Variants in NFATC3 observed in about 807,000 individuals in gnomAD.
NFATC3 encodes the protein nuclear factor of activated T-cells, cytoplasmic 3.
Under a neutral mutation model 98.6 loss-of-function variants are expected in NFATC3, and 46 were observed. The ratio of observed to expected loss-of-function variants is 0.47; its 90% CI spans 0.37 to 0.60. The LOEUF (loss-of-function observed/expected upper bound fraction) is 0.60. NFATC3 is among the 20% of genes least tolerant of loss of function. The pLI is 0.00. For synonymous variants in NFATC3, 512 were observed against 472.2 expected, an observed-to-expected ratio of 1.08 and a Z score of -1.09; for missense variants, 1,256 against 1,295.5, an observed-to-expected ratio of 0.97 and a Z score of 0.47.
chr16:68,221,846 G>A (rs1164496506), intron 9 of NFATC3, among the ~76,000 whole-genome samples: 3 of 152,178 alleles, frequency 2.0e-5, no homozygotes, highest in African/African-American at 7.2e-5. Flanking sequence ...GCATTGAGCA[G>A]GCTTCCATTA....
rs2042054713 is a variant in NFATC3, at chr16:68,227,031, A to G, written c.*560A>G. ...GAAGACGTTCATAGATTTATAGGAAATAAAGCCAAATGTAGCTCATACCTC... is the reference window on the plus strand; with the variant it reads ...GAAGACGTTCATAGATTTATAGGAAGTAAAGCCAAATGTAGCTCATACCTC... On this transcript the variant is annotated 3_prime_UTR_variant, in exon 10 of 10. Coordinates refer to ENST00000346183, the MANE Select transcript of NFATC3 (RefSeq NM_173165.3). 6.6e-6 allele frequency: 1 copy of G among 152,206 alleles called. No homozygotes were observed. 9.4% of individuals were successfully genotyped at this position (152,206 alleles called of 1,614,324 possible).
At chr16:68,189,569 T>G (rs1378184925) in intron 8 of NFATC3, 5 of 152,204 alleles carry the variant, frequency 3.3e-5, no homozygotes, top group Non-Finnish European at 7.3e-5. Context: ...TCAAGGACAT[T>G]TTTTTTAAAA....
Position 68,208,639 on chromosome 16 carries a change from A to C in NFATC3, c.3106+16864A>C, listed in dbSNP as rs539575716. Among the ~76,000 whole-genome samples, 11 of 152,242 alleles carry C rather than the reference A, an allele frequency of 7.2e-5. No homozygotes were observed. The East Asian group carries it at 2.1e-3, about 29-fold the overall frequency. ...CAGCTATTTGTGGGACTGAGGCAGG[A>C]GAATCGCTTGAACCTGGGAGACAGA... On this transcript the variant is annotated intron_variant, in intron 9 of 9. Transcript: ENST00000346183.
chr16:68,122,560 A>G lies in NFATC3; in HGVS notation c.677A>G (p.His226Arg). The change falls in exon 2 of 10, where the codon CAT becomes CGT. Residue 226 changes from histidine (H) to arginine (R), a missense_variant. Around this residue, in one of 3 missense-constraint regions of NFATC3, gnomAD observed 464 missense variants for 465.7 expected, o/e 1.00. Coordinates refer to ENST00000346183, the MANE Select transcript of NFATC3 (RefSeq NM_173165.3). ...PGGCPGEETW[H>R]QQYGLGHSLS... ...GGCTGCCCTGGAGAAGAAACTTGGC[A>G]TCAACAGTATGGACTTGGACACTCA... is the stretch of plus-strand genomic sequence containing the variant. 5.0e-6 allele frequency: 8 copies of G among 1,614,092 alleles called. No individual in the cohort carries two copies. The highest frequency in any genetic ancestry group is 6.8e-6 in the Non-Finnish European group (8 of 1,180,016).
intron 9 of NFATC3, among the ~76,000 whole-genome samples, chr16:68,207,730 G>T (rs747574133): frequency 8.5e-5 from 13 of 152,122 alleles, no homozygotes; most frequent in Non-Finnish European, 1.6e-4. Flanking sequence ...CCAAAGTGCT[G>T]GGATTGCAGG....
intron 8 of NFATC3, 127 bp downstream of exon 8, chr16:68,183,493 C>T: frequency 1.0e-6 from 1 of 965,512 alleles, no homozygotes; most frequent in Non-Finnish European, 1.5e-6. Flanking sequence ...CAACAGATGC[C>T]CACTCTAAAG....
intron 9 of NFATC3, chr16:68,221,127 G>C (rs567342127): frequency 7.1e-5 from 108 of 1,516,322 alleles, no homozygotes; most frequent in Non-Finnish European, 9.3e-5. Flanking sequence ...GCAAGCATTA[G>C]TATTTTTAAC....
intron 6 of NFATC3, among the ~76,000 whole-genome samples, chr16:68,180,224 C>T (rs1306723850): frequency 2.0e-5 from 3 of 152,130 alleles, no homozygotes; most frequent in Admixed American, 1.3e-4. Context: ...GAGACACAAG[C>T]AGATATAACA....
intron 4 of NFATC3, among the ~76,000 whole-genome samples, chr16:68,158,969 T>C (rs1034382697): frequency 1.3e-5 from 2 of 152,218 alleles, no homozygotes; most frequent in Non-Finnish European, 1.5e-5. Context: ...CCATGGCTCA[T>C]GCCTGTAATC....
At chr16:68,102,374 GAAAAAAAAAAAAAAA>G (rs71268472) in intron 1 of NFATC3, among the ~76,000 whole-genome samples, 1 of 30,894 alleles carries the variant, frequency 3.2e-5, no homozygotes, top group African/African-American at 1.2e-4. Context: ...TCCATCTCAG[GAAAAAAAAAAAAAAA>G]AAAAAAAAAA....
intron 4 of NFATC3, among the ~76,000 whole-genome samples, chr16:68,165,386 CTTTTTCTTTTTTTTTTT>C (rs1005071604): frequency 4.2e-5 from 5 of 118,446 alleles, no homozygotes; most frequent in Admixed American, 8.2e-5. Flanking sequence ...TTTTTTTTTT[CTTTTTCTTTTTTTTTTT>C]TTTTTTTGGT....
intron 9 of NFATC3, chr16:68,209,776 G>C (rs777753569): frequency 1.1e-4 from 47 of 444,942 alleles, no homozygotes; most frequent in Non-Finnish European, 1.4e-4. Context: ...TTGTGTAGTA[G>C]TTGAAGTACT....
In NFATC3 at chr16:68,122,304, T is replaced by C. The variant is rs1204999384; in HGVS notation, c.421T>C (p.Leu141=). 6.2e-7 allele frequency: 1 copy of C among 1,614,170 alleles called. No individual in the cohort carries two copies. Among genetic ancestry groups the C allele is most frequent in the Non-Finnish European group, 8.5e-7 (1 of 1,180,040 alleles). ...GATAAATGACCCAGAACGGGAATTT[T>C]TGGAAAGGCCTTCTAGAGATCATCT... The part of the protein sequence containing the change: ...LQINDPEREF[L]ERPSRDHLYL... The change falls in exon 2 of 10, where the codon TTG becomes CTG. Residue 141 remains leucine (L), a synonymous_variant. Transcript: ENST00000346183.
At chr16:68,186,567 C>CA (rs968090904) in intron 8 of NFATC3, among the ~76,000 whole-genome samples, 10 of 151,714 alleles carry the variant, frequency 6.6e-5, no homozygotes, top group Non-Finnish European at 1.3e-4. Context: ...AAAACAACAA[C>CA]AAAAAAAACA....
At chr16:68,163,389 G>A (rs1223908544) in intron 4 of NFATC3, among the ~76,000 whole-genome samples, 3 of 149,860 alleles carry the variant, frequency 2.0e-5, no homozygotes, top group East Asian at 2.0e-4. Flanking sequence ...CCTCCCTCCC[G>A]GACGGGGCGG....
intron 9 of NFATC3, among the ~76,000 whole-genome samples, chr16:68,194,082 G>A (rs1015550800): frequency 6.6e-6 from 1 of 152,058 alleles, no homozygotes; most frequent in African/African-American, 2.4e-5. Flanking sequence ...TAATCTAATC[G>A]TTACCATTCC....
At chr16:68,123,341 T>G (rs1331947653) in intron 2 of NFATC3, among the ~76,000 whole-genome samples, 1 of 152,096 alleles carries the variant, frequency 6.6e-6, no homozygotes, top group Non-Finnish European at 1.5e-5. Context: ...ATATAGCTAA[T>G]GAATTGTTGA....
chr16:68,208,065 T>G (rs1250347392), intron 9 of NFATC3, among the ~76,000 whole-genome samples: 1 of 152,058 alleles, frequency 6.6e-6, no homozygotes, highest in African/African-American at 2.4e-5. Flanking sequence ...AGACGGAATC[T>G]GGCTGTGTCA....
chr16:68,124,011 C>T (rs1051653482), intron 2 of NFATC3, among the ~76,000 whole-genome samples: 4 of 151,928 alleles, frequency 2.6e-5, no homozygotes, highest in Admixed American at 2.6e-4. Flanking sequence ...AAAAAAGAAC[C>T]TATTAATTAC....
Sources: allele counts gnomAD v4.1 joint callset (sites outside exome capture counted in the v4.1 genomes callset), GRCh38; gene constraint gnomAD v4.1.1; regional missense constraint gnomAD v4.1.1; transcripts MANE v1.5; gene names NCBI Gene and HGNC (gene_info 2026-07-23, HGNC 2026-07-21).